The following SGCD variants were observed in gnomAD, a reference collection of about 807,000 sequenced individuals.
SGCD encodes the protein delta-sarcoglycan.
SGCD carries 18 observed loss-of-function variants against 36.6 expected under a neutral mutation model. That is an observed-to-expected ratio of 0.49 (90% CI 0.34 to 0.73). The LOEUF (loss-of-function observed/expected upper bound fraction) is 0.73, where lower values mean the gene tolerates loss of function less well. Ranked by LOEUF, SGCD falls within the 30% of genes least tolerant of loss-of-function variation. The probability of loss-of-function intolerance (pLI) is 0.01; values close to 1 mark genes in which losing one functional copy is unlikely to be tolerated. For synonymous variants in SGCD, 133 were observed against 130.6 expected, an observed-to-expected ratio of 1.02 and a Z score of -0.12; for missense variants, 387 against 346.7, an observed-to-expected ratio of 1.12 and a Z score of -0.92.
At chr5:156,388,006 G>C (rs989834661) in intron 3 of SGCD, among the ~76,000 whole-genome samples, 3 of 152,168 alleles carry the variant, frequency 2.0e-5, no homozygotes, top group Admixed American at 2.0e-4. Context: ...AGACTCAATA[G>C]GTATGAAGCT....
intron 3 of SGCD, among the ~76,000 whole-genome samples, chr5:156,370,125 A>C (rs2127739017): frequency 6.6e-6 from 1 of 152,304 alleles, no homozygotes; most frequent in East Asian, 1.9e-4. Context: ...TCCAAGTTTA[A>C]GGTCGCAGAT....
intron 1 of SGCD, among the ~76,000 whole-genome samples, chr5:156,010,334 A>ATATTTACAAAATTATAATTG (rs1435409793): frequency 1.3e-5 from 2 of 152,220 alleles, no homozygotes; most frequent in East Asian, 3.9e-4. Context: ...GACAGATTAA[A>ATATTTACAAAATTATAATTG]TATTTACAAA....
intron 1 of SGCD, among the ~76,000 whole-genome samples, chr5:156,060,616 G>T (rs1410856299): frequency 2.1e-5 from 3 of 145,534 alleles, no homozygotes; most frequent in Non-Finnish European, 4.6e-5. Context: ...ATCAATGCTG[G>T]AATATATGTT....
the SGCD span, among the ~76,000 whole-genome samples, chr5:155,773,980 T>G: frequency 6.6e-6 from 1 of 152,106 alleles, no homozygotes; most frequent in African/African-American, 2.4e-5. Context: ...AATTATAACA[T>G]ACATGTTGAT....
intron 3 of SGCD, among the ~76,000 whole-genome samples, chr5:156,425,368 T>C (rs1381221675): frequency 6.6e-6 from 1 of 152,080 alleles, no homozygotes; most frequent in Non-Finnish European, 1.5e-5. Flanking sequence ...TAATTTCAGC[T>C]CATTATTAGC....
At chr5:156,602,100 T>C (rs1040612447) in intron 6 of SGCD, among the ~76,000 whole-genome samples, 1 of 152,202 alleles carries the variant, frequency 6.6e-6, no homozygotes, top group Non-Finnish European at 1.5e-5. Flanking sequence ...TCTTCACTTA[T>C]TTGTGTCCTC....
chr5:156,593,271 TG>T (rs1168110240), intron 5 of SGCD, among the ~76,000 whole-genome samples: 3 of 152,174 alleles, frequency 2.0e-5, no homozygotes, highest in African/African-American at 7.2e-5. Context: ...CCACCCCAGA[TG>T]CCCAGTGGCT....
intron 7 of SGCD, chr5:156,738,758 C>A (rs1392469364): frequency 6.6e-6 from 1 of 152,200 alleles, no homozygotes; most frequent in Non-Finnish European, 1.5e-5. Context: ...TACACTAACA[C>A]CAATCACTGC....
chr5:156,022,795 C>A (rs73812911), intron 1 of SGCD, among the ~76,000 whole-genome samples: 10,133 of 151,984 alleles, frequency 0.067, 1,138 homozygotes, highest in African/African-American at 0.23. Context: ...TCTTATGCCA[C>A]AATAAAAAGA....
At position 156,690,929 on chromosome 5, in the gene SGCD, G is replaced by A. The variant is rs58918166; in HGVS notation, c.575+43393G>A. ...GAAAGTCAAAATGAGATCCAGAGCC[G>A]GGTGCAATGGCTTACTCCTGTAATC... is the stretch of plus-strand genomic sequence containing the variant. On this transcript the variant is annotated intron_variant, in intron 7 of 8. Transcript: ENST00000337851. Among the ~76,000 whole-genome samples, 19 of 152,110 alleles carry A rather than the reference G, an allele frequency of 1.2e-4. No homozygotes were observed. In the South Asian group the frequency reaches 1.7e-3, roughly 13 times the overall value.
At chr5:156,190,696 A>T (rs1350967975) in intron 3 of SGCD, among the ~76,000 whole-genome samples, 1 of 152,152 alleles carries the variant, frequency 6.6e-6, no homozygotes, top group Non-Finnish European at 1.5e-5. Context: ...GTTGTATATT[A>T]TATTAGAGGT....
intron 3 of SGCD, among the ~76,000 whole-genome samples, chr5:156,148,631 A>G (rs1762763727): frequency 1.3e-5 from 2 of 152,274 alleles, no homozygotes; most frequent in African/African-American, 2.4e-5. Context: ...CCATCCAATA[A>G]TGAGATACAG....
intron 3 of SGCD, among the ~76,000 whole-genome samples, chr5:156,484,806 T>C (rs1288480939): frequency 6.6e-6 from 1 of 152,190 alleles, no homozygotes; most frequent in African/African-American, 2.4e-5. Context: ...GAATAACACA[T>C]GGCCATTTAT....
chr5:155,770,921 C>T, the SGCD span, among the ~76,000 whole-genome samples: 15 of 152,180 alleles, frequency 9.9e-5, no homozygotes, highest in South Asian at 1.2e-3. Flanking sequence ...AAAAAACAGA[C>T]GTGATCTCTC....
intron 3 of SGCD, among the ~76,000 whole-genome samples, chr5:156,318,550 T>A (rs562333967): frequency 2.0e-4 from 30 of 152,218 alleles, no homozygotes; most frequent in African/African-American, 7.0e-4. Context: ...CTCTTCGTAC[T>A]TTTTTATGGC....
At chr5:156,088,341 G>A (rs1278171239) in intron 1 of SGCD, among the ~76,000 whole-genome samples, 1 of 152,088 alleles carries the variant, frequency 6.6e-6, no homozygotes, top group African/African-American at 2.4e-5. Context: ...GTCATTGAGA[G>A]TCTTATTTAT....
chr5:156,674,149 C>T (rs754007604), intron 7 of SGCD, among the ~76,000 whole-genome samples: 3 of 152,294 alleles, frequency 2.0e-5, no homozygotes, highest in Non-Finnish European at 2.9e-5. Context: ...CTTTGATAGC[C>T]ATTTGTGAGA....
intron 3 of SGCD, among the ~76,000 whole-genome samples, chr5:156,398,989 C>G (rs1418591028): frequency 6.6e-6 from 1 of 152,156 alleles, no homozygotes; most frequent in Non-Finnish European, 1.5e-5. Flanking sequence ...TTAGATAGCG[C>G]AGATGTAGAA....
chr5:155,920,960 T>G (rs368729786), intron 1 of SGCD, among the ~76,000 whole-genome samples: 4 of 152,228 alleles, frequency 2.6e-5, no homozygotes, highest in East Asian at 1.9e-4. Context: ...AACTTGGCAT[T>G]CATTACCATG....
Sources: gnomAD v4.1 joint callset for allele counts (sites outside exome capture counted in the v4.1 genomes callset) on GRCh38, gnomAD v4.1.1 for gene constraint, MANE v1.5 for transcripts, NCBI Gene and HGNC (gene_info 2026-07-23, HGNC 2026-07-21) for gene names.